Variants in BABAM2 observed in about 807,000 individuals in gnomAD.
BABAM2 encodes BRISC and BRCA1 A complex member 2.
A neutral mutation model predicts 54.7 loss-of-function variants in BABAM2; 31 were observed. That is an observed-to-expected ratio of 0.57 (90% CI 0.43 to 0.77). BABAM2 has a LOEUF of 0.77. Ranked by LOEUF, BABAM2 falls within the 30% of genes least tolerant of loss-of-function variation. The probability of loss-of-function intolerance (pLI) is 0.00; values close to 1 mark genes in which losing one functional copy is unlikely to be tolerated. For missense variants in BABAM2, 364 were observed against 455.8 expected (o/e 0.80, Z 1.83); for synonymous variants, 167 against 162.9 (o/e 1.03, Z -0.19).
At chr2:28,100,472 A>AC (rs1666988900) in intron 6 of BABAM2, among the ~76,000 whole-genome samples, 3 of 151,358 alleles carry the variant, frequency 2.0e-5, no homozygotes, top group Admixed American at 6.6e-5. Flanking sequence ...CAAAAAAAAA[A>AC]AAAAAAAAAA....
At chr2:28,127,087 G>GT (rs1669616270) in intron 6 of BABAM2, among the ~76,000 whole-genome samples, 1 of 152,108 alleles carries the variant, frequency 6.6e-6, no homozygotes, top group Non-Finnish European at 1.5e-5. Context: ...GATTTTGTAG[G>GT]TTGCCTGTTC....
At chr2:28,267,209 C>T (rs1385692356) in intron 10 of BABAM2, among the ~76,000 whole-genome samples, 1 of 152,122 alleles carries the variant, frequency 6.6e-6, no homozygotes, top group South Asian at 2.1e-4. Flanking sequence ...ATGTACCCTT[C>T]ACCCACTTTC....
intron 11 of BABAM2, among the ~76,000 whole-genome samples, chr2:28,315,289 C>T (rs1689435366): frequency 6.6e-6 from 1 of 151,610 alleles, no homozygotes; most frequent in African/African-American, 2.4e-5. Context: ...GGCTTTCTCA[C>T]AGAGGATTGT....
chr2:27,965,251 C>T (rs185857409), intron 3 of BABAM2, among the ~76,000 whole-genome samples: 27 of 152,112 alleles, frequency 1.8e-4, no homozygotes, highest in African/African-American at 4.1e-4. Context: ...ATTATTTCAA[C>T]GTAAATTATA....
intron 6 of BABAM2, 24 bp from the exon 7 acceptor site, chr2:28,129,247 T>C: frequency 6.3e-7 from 1 of 1,580,020 alleles, no homozygotes; most frequent in Non-Finnish European, 8.7e-7. Flanking sequence ...GGTGCTGATG[T>C]TGTGTTTTCA....
chr2:28,088,203 A>G (rs1293480805), intron 6 of BABAM2, among the ~76,000 whole-genome samples: 1 of 152,116 alleles, frequency 6.6e-6, no homozygotes, highest in Admixed American at 6.6e-5. Context: ...TAACAATTCT[A>G]CAGTAAAAAG....
chr2:28,032,130 C>T (rs1375373487), intron 5 of BABAM2, among the ~76,000 whole-genome samples: 1 of 152,150 alleles, frequency 6.6e-6, no homozygotes, highest in Non-Finnish European at 1.5e-5. Flanking sequence ...TATAAAGAAT[C>T]TAAGACTAGG....
At chr2:28,224,851 CAAA>C (rs754146418) in intron 7 of BABAM2, among the ~76,000 whole-genome samples, 4 of 83,926 alleles carry the variant, frequency 4.8e-5, no homozygotes, top group Non-Finnish European at 7.2e-5. Flanking sequence ...GGTAAATTGA[CAAA>C]AAAAAAAAAA....
intron 2 of BABAM2, among the ~76,000 whole-genome samples, chr2:27,923,816 CA>C (rs759558904): frequency 1.3e-5 from 2 of 151,664 alleles, no homozygotes; most frequent in Non-Finnish European, 2.9e-5. Context: ...ATTAAAAATA[CA>C]AAAAATTAGC....
intron 5 of BABAM2, among the ~76,000 whole-genome samples, chr2:28,025,816 A>G (rs1340403643): frequency 6.6e-6 from 1 of 152,254 alleles, no homozygotes; most frequent in African/African-American, 2.4e-5. Flanking sequence ...AAGAGAGGTC[A>G]GTAACTCTGG....
At position 27,929,840 on chromosome 2, in the gene BABAM2, C is replaced by G; in HGVS notation, c.137C>G (p.Ser46Ter). The change falls in exon 3 of 12, where the codon TCA becomes TGA. Residue 46 changes from serine (S) to a stop codon, truncating the protein, a stop_gained. Transcript: ENST00000379624. LOFTEE classifies it high-confidence loss of function. ...RITDLKSGCTSLTPGPNCDRF... is the reference protein window; with the variant it reads ...RITDLKSGCT The stretch of plus-strand genomic sequence containing the variant: ...TTCTGCATTTTTTAAAGCTGCACAT[C>G]ATTGACTCCTGGGCCCAACTGTGAC... 6.2e-7 allele frequency: 1 copy of G among 1,613,580 alleles called. No homozygotes were observed. Among genetic ancestry groups the G allele is most frequent in the Non-Finnish European group, 8.5e-7 (1 of 1,179,614 alleles).
rs150104777 is a variant in BABAM2 at position 28,140,396 on chromosome 2, G to A, written c.680+11016G>A. On this transcript the variant is annotated intron_variant, in intron 7 of 11. Coordinates refer to ENST00000379624, the MANE Select transcript of BABAM2 (RefSeq NM_199191.3). ...CCTTTTATATGGGCATAGGAGAAGC[G>A]CTTGACTACAAAGAGGCAGGACAAG... Among the ~76,000 whole-genome samples, 5 of 152,192 alleles carry A rather than the reference G, an allele frequency of 3.3e-5. No individual in the cohort carries two copies. The East Asian group carries it at 5.8e-4, about 18-fold the overall frequency.
rs866706365 is a variant in BABAM2, at chr2:27,913,499, A to T, written c.129-16333A>T. Among the ~76,000 whole-genome samples, 5 of 152,188 alleles carry T rather than the reference A, an allele frequency of 3.3e-5. No homozygotes were observed. In the South Asian group the frequency reaches 8.3e-4, roughly 25 times the overall value. On this transcript the variant is annotated intron_variant, in intron 2 of 11. Transcript: ENST00000379624. ...TTTAAAACAAATATGGTAGATGGTT[A>T]TACAAATAAAAACTATTCTGAAGAT...
chr2:28,318,244 G>A (rs1235428953), intron 11 of BABAM2, among the ~76,000 whole-genome samples: 2 of 151,914 alleles, frequency 1.3e-5, no homozygotes, highest in South Asian at 2.1e-4. Context: ...TACAAGGAAG[G>A]GCTGGACTAG....
intron 6 of BABAM2, among the ~76,000 whole-genome samples, chr2:28,050,832 G>A (rs1316217273): frequency 2.0e-5 from 3 of 152,150 alleles, no homozygotes; most frequent in Non-Finnish European, 4.4e-5. Flanking sequence ...GAGGGGAGGA[G>A]GAACAGATCA....
chr2:27,927,379 A>C (rs1347672940), intron 2 of BABAM2, among the ~76,000 whole-genome samples: 1 of 152,204 alleles, frequency 6.6e-6, no homozygotes, highest in Non-Finnish European at 1.5e-5. Context: ...CCCAAGCCCC[A>C]AAAAGATCCT....
chr2:27,915,197 A>G (rs561771215), intron 2 of BABAM2, among the ~76,000 whole-genome samples: 6 of 152,296 alleles, frequency 3.9e-5, no homozygotes, highest in South Asian at 2.1e-4. Context: ...GAGGAGGTCA[A>G]TTGAGGTTTT....
chr2:28,309,957 C>G, intron 11 of BABAM2: 1 of 1,070,416 alleles, frequency 9.3e-7, no homozygotes. Context: ...TGGGCCTTTT[C>G]CTTATGGGGT....
intron 1 of BABAM2, among the ~76,000 whole-genome samples, chr2:27,891,919 A>G (rs1403463082): frequency 6.6e-6 from 1 of 152,108 alleles, no homozygotes; most frequent in Non-Finnish European, 1.5e-5. Flanking sequence ...TCCCTTTAAC[A>G]TTTGACTAGT....
Sources: allele counts gnomAD v4.1 joint callset (sites outside exome capture counted in the v4.1 genomes callset), GRCh38; gene constraint gnomAD v4.1.1; transcripts MANE v1.5; gene names NCBI Gene and HGNC (gene_info 2026-07-23, HGNC 2026-07-21).